The following INTS5 variants were observed in gnomAD, a reference collection of about 807,000 sequenced individuals.
The protein encoded by INTS5 is integrator complex subunit 5, also known as KIAA1698.
In INTS5, 29 loss-of-function variants were observed where a neutral mutation model predicts 60.0. The ratio of observed to expected loss-of-function variants is 0.48; its 90% CI spans 0.36 to 0.66. The LOEUF is 0.66. Ranked by LOEUF, INTS5 falls within the 30% of genes least tolerant of loss-of-function variation. INTS5 has a pLI of 0.00. For synonymous variants in INTS5, 588 were observed against 558.8 expected, an observed-to-expected ratio of 1.05 and a Z score of -0.74; for missense variants, 1,129 against 1,307.9, an observed-to-expected ratio of 0.86 and a Z score of 2.11.
chr11:62,652,123 C>G (rs1238061238), intron 1 of INTS5, among the ~76,000 whole-genome samples: 1 of 148,156 alleles, frequency 6.7e-6, no homozygotes, highest in Non-Finnish European at 1.5e-5. Context: ...AGATCGAAAC[C>G]AGCCTGGCCA....
chr11:62,647,572 G>A lies in INTS5; in HGVS notation c.2508C>T (p.His836=), dbSNP rs763239440. 46 of 1,613,798 alleles carry A rather than the reference G, an allele frequency of 2.9e-5. No individual in the cohort carries two copies. Among genetic ancestry groups the A allele is most frequent in the Admixed American group, 1.5e-4 (9 of 60,016 alleles). The part of the protein sequence containing the change: ...GAELAWPPEE[H]ARATVERDLR... Reference sequence around the variant, plus strand: ...GATCCCGCTCCACGGTGGCCCGGGCGTGTTCCTCGGGGGGCCAGGCCAGCT... The same window carrying A: ...GATCCCGCTCCACGGTGGCCCGGGCATGTTCCTCGGGGGGCCAGGCCAGCT... The change falls in exon 2 of 2, where the codon CAC becomes CAT. Residue 836 remains histidine (H), a synonymous_variant. Transcript: ENST00000330574.
Position 62,649,065 on chromosome 11 carries a change from G to C in INTS5, c.1015C>G (p.Pro339Ala). Residue 339 changes from proline to alanine, a missense_variant, in exon 2 of 2, where the codon CCG becomes GCG. Pro to Ala is a conservative substitution (Grantham distance 27, BLOSUM62 -1). Coordinates refer to ENST00000330574, the MANE Select transcript of INTS5 (RefSeq NM_030628.2). This position sits in a 1 kb window ranked among gnomAD's most constrained non-coding sequence, Gnocchi z 6.0. ...SGDPSLQATV[P>A]FLLQLAVMSP... ...ATGACTGCCAGCTGCAGTAGGAACGGAACCGTGGCCTGAAGGGAGGGGTCC... is the reference window on the plus strand; with the variant it reads ...ATGACTGCCAGCTGCAGTAGGAACGCAACCGTGGCCTGAAGGGAGGGGTCC... 1 of 1,611,664 alleles carries C rather than the reference G, an allele frequency of 6.2e-7. No homozygotes were observed. The highest frequency in any genetic ancestry group is 8.5e-7 in the Non-Finnish European group (1 of 1,178,372).
rs1328411443 is a variant in INTS5 at position 62,648,501 on chromosome 11, G to C, written c.1579C>G (p.Arg527Gly). ...EALGHLLSRA[R>G]SPEELSLATQ... ...GCCAAACTCAACTCTTCAGGGCTTC[G>C]GGCTCGGCTCAGCAGATGGCCCAAG... Residue 527 changes from arginine to glycine, a missense_variant, in exon 2 of 2, where the codon CGA (arginine) becomes GGA (glycine). Physicochemically the swap from Arg to Gly is moderately radical, Grantham distance 125. Around this residue, in one of 3 missense-constraint regions of INTS5, gnomAD observed 1,070 missense variants for 1,246.1 expected, o/e 0.86. Coordinates refer to ENST00000330574, the MANE Select transcript of INTS5 (RefSeq NM_030628.2). The surrounding 1 kb of genome is among the most constrained non-coding windows in gnomAD (Gnocchi z 4.4). 6.2e-7 allele frequency: 1 copy of C among 1,614,180 alleles called. No homozygotes were observed. Among genetic ancestry groups the C allele is most frequent in the East Asian group, 2.2e-5 (1 of 44,884 alleles).
At position 62,649,014 on chromosome 11, in the gene INTS5, A is replaced by C; in HGVS notation, c.1066T>G (p.Ser356Ala). ...VMSPALLGTV[S>A]GELVDCLKPP... ...TTGAGGCAATCCACAAGCTCTCCAGAGACAGTGCCCAGCAAAGCTGGTGAC... is the reference window on the plus strand; with the variant it reads ...TTGAGGCAATCCACAAGCTCTCCAGCGACAGTGCCCAGCAAAGCTGGTGAC... Residue 356 changes from serine (S) to alanine (A), a missense_variant, in exon 2 of 2, where the codon TCT (serine) becomes GCT (alanine). Physicochemically the swap from Ser to Ala is moderately conservative, Grantham distance 99 (BLOSUM62 1). Around this residue, in one of 3 missense-constraint regions of INTS5, gnomAD observed 1,070 missense variants for 1,246.1 expected, o/e 0.86. Transcript: ENST00000330574. The surrounding 1 kb of genome is among the most constrained non-coding windows in gnomAD (Gnocchi z 6.0). 6.2e-7 allele frequency: 1 copy of C among 1,613,292 alleles called. No homozygotes were observed. Among genetic ancestry groups the C allele is most frequent in the Middle Eastern group, 1.6e-4 (1 of 6,062 alleles).
chr11:62,647,549 T>C lies in INTS5; in HGVS notation c.2531A>G (p.Asp844Gly). The change falls in exon 2 of 2, where the codon GAT becomes GGT. Residue 844 changes from aspartate (D) to glycine (G), a missense_variant. By Grantham distance (94) the Asp-to-Gly change is moderately conservative. This residue lies in a region of INTS5 where 1,070 missense variants were observed against 1,246.1 expected (regional missense o/e 0.86). Coordinates refer to ENST00000330574, the MANE Select transcript of INTS5 (RefSeq NM_030628.2). ...GCGGAAGCGCCGGCCAATGCGGAGA[T>C]CCCGCTCCACGGTGGCCCGGGCGTG... is the stretch of plus-strand genomic sequence containing the variant. ...EEHARATVERDLRIGRRFREQ... is the reference protein window; with the variant it reads ...EEHARATVERGLRIGRRFREQ... The C allele has an allele frequency of 6.2e-7, 1 of 1,613,604 alleles. No homozygotes were observed. Among genetic ancestry groups the C allele is most frequent in the Non-Finnish European group, 8.5e-7 (1 of 1,179,926 alleles).
chr11:62,652,998 GCA>G (rs1379891749), intron 1 of INTS5, among the ~76,000 whole-genome samples, 170 bp downstream of exon 1: 3 of 152,228 alleles, frequency 2.0e-5, no homozygotes, highest in Non-Finnish European at 2.9e-5. Context: ...GGGAGGGCGG[GCA>G]CTGGAGCCCT....
rs377245544 is a variant in INTS5, at chr11:62,647,045, G to T, written c.3035C>A (p.Ser1012Tyr). The T allele has an allele frequency of 1.2e-6, 2 of 1,612,986 alleles. No individual in the cohort carries two copies. Among genetic ancestry groups the T allele is most frequent in the Non-Finnish European group, 1.7e-6 (2 of 1,179,216 alleles). ...CTACGTCCCCTGTCGAAGGAGAGTGGACGGTGAAGGTGCCTGGAAACGGCC... is the reference window on the plus strand; with the variant it reads ...CTACGTCCCCTGTCGAAGGAGAGTGTACGGTGAAGGTGCCTGGAAACGGCC... ...FSGRFQAPSP[S>Y]TLLRQGT is the part of the protein sequence containing the mutation. The change falls in exon 2 of 2, where the codon TCC becomes TAC. Residue 1012 changes from serine to tyrosine, a missense_variant. By Grantham distance (144) the Ser-to-Tyr change is moderately radical. Transcript: ENST00000330574.
rs758106119 is a variant in INTS5 at position 62,649,933 on chromosome 11, T to A, written c.147A>T (p.Gln49His). 6.2e-7 allele frequency: 1 copy of A among 1,613,912 alleles called. No homozygotes were observed. The highest frequency in any genetic ancestry group is 8.5e-7 in the Non-Finnish European group (1 of 1,179,948). Reference protein sequence around the residue: ...LTGVDPILGHQLSAREHARCG... With the variant: ...LTGVDPILGHHLSAREHARCG... ...AGCGAGCATGTTCCCGGGCTGAGAG[T>A]TGGTGGCCCAGAATGGGGTCTACGC... The change falls in exon 2 of 2, where the codon CAA (glutamine) becomes CAT (histidine). Residue 49 changes from glutamine (Q) to histidine (H), a missense_variant. Coordinates refer to ENST00000330574, the MANE Select transcript of INTS5 (RefSeq NM_030628.2). The surrounding 1 kb of genome is among the most constrained non-coding windows in gnomAD (Gnocchi z 6.0).
Position 62,646,908 on chromosome 11 carries a change from C to A in INTS5, c.*112G>T. ...AAAAAAGTGGGAGAGAAAAAAGTGACAGCGCTCTTTAGACCAAGGACTTAG... is the reference window on the plus strand; with the variant it reads ...AAAAAAGTGGGAGAGAAAAAAGTGAAAGCGCTCTTTAGACCAAGGACTTAG... On this transcript the variant is annotated 3_prime_UTR_variant, in exon 2 of 2. Transcript: ENST00000330574. 2.1e-6 allele frequency: 2 copies of A among 969,738 alleles called. No homozygotes were observed. Among genetic ancestry groups the A allele is most frequent in the South Asian group, 1.7e-5 (1 of 59,908 alleles). 60.1% of individuals were successfully genotyped at this position (969,738 alleles called of 1,614,324 possible).
In INTS5 at chr11:62,647,918, G is replaced by T. The variant is rs1450498748; in HGVS notation, c.2162C>A (p.Ala721Asp). Reference protein sequence around the residue: ...GDNETLSVVSASLASASLLDT... With the variant: ...GDNETLSVVSDSLASASLLDT... ...CAACAGGGAGGCAGAAGCCAAAGAA[G>T]CTGAAACAACTGAGAGAGTCTCATT... Residue 721 changes from alanine to aspartate, a missense_variant, in exon 2 of 2, where the codon GCT becomes GAT. This residue lies in a region of INTS5 where 1,070 missense variants were observed against 1,246.1 expected (regional missense o/e 0.86). Transcript: ENST00000330574. The T allele has an allele frequency of 6.2e-7, 1 of 1,614,244 alleles. No individual in the cohort carries two copies. The highest frequency in any genetic ancestry group is 1.7e-5 in the Admixed American group (1 of 60,030).
chr11:62,653,049 T>C, intron 1 of INTS5, 121 bp downstream of exon 1: 2 of 609,872 alleles, frequency 3.3e-6, no homozygotes, highest in Non-Finnish European at 2.4e-6. Flanking sequence ...TGGGAGGACC[T>C]GACCAAGAAT....
Position 62,647,445 on chromosome 11 carries a change from G to T in INTS5, c.2635C>A (p.Arg879=). 4 of 1,607,458 alleles carry T rather than the reference G, an allele frequency of 2.5e-6. No individual in the cohort carries two copies. The highest frequency in any genetic ancestry group is 3.4e-6 in the Non-Finnish European group (4 of 1,175,974). Residue 879 remains arginine, a synonymous_variant, in exon 2 of 2, where the codon CGG becomes AGG. Coordinates refer to ENST00000330574, the MANE Select transcript of INTS5 (RefSeq NM_030628.2). ...PALCYCSVLL[R]GLLAALLGHW... ...CCCAAGAGGGCGGCCAGCAGCCCCC[G>T]AAGCAGCACGGAACAGTAGCACAGG... is the stretch of plus-strand genomic sequence containing the variant.
Position 62,649,936 on chromosome 11 carries a change from G to T in INTS5, c.144C>A (p.His48Gln). Residue 48 changes from histidine to glutamine, a missense_variant, in exon 2 of 2, where the codon CAC (histidine) becomes CAA (glutamine). Coordinates refer to ENST00000330574, the MANE Select transcript of INTS5 (RefSeq NM_030628.2). This position sits in a 1 kb window ranked among gnomAD's most constrained non-coding sequence, Gnocchi z 6.0. ...GAGCATGTTCCCGGGCTGAGAGTTGGTGGCCCAGAATGGGGTCTACGCCAG... is the reference window on the plus strand; with the variant it reads ...GAGCATGTTCCCGGGCTGAGAGTTGTTGGCCCAGAATGGGGTCTACGCCAG... The part of the protein sequence containing the change: ...FLTGVDPILG[H>Q]QLSAREHARC... 6.2e-7 allele frequency: 1 copy of T among 1,614,174 alleles called. No individual in the cohort carries two copies. The highest frequency in any genetic ancestry group is 8.5e-7 in the Non-Finnish European group (1 of 1,180,028).
Position 62,649,932 on chromosome 11 carries a change from G to T in INTS5, c.148C>A (p.Leu50Ile), listed in dbSNP as rs1311431352. ...CAGCGAGCATGTTCCCGGGCTGAGA[G>T]TTGGTGGCCCAGAATGGGGTCTACG... ...TGVDPILGHQ[L>I]SAREHARCGL... The change falls in exon 2 of 2, where the codon CTC becomes ATC. Residue 50 changes from leucine to isoleucine, a missense_variant. Leu to Ile is a conservative substitution (Grantham distance 5, BLOSUM62 2). Around this residue, in one of 3 missense-constraint regions of INTS5, gnomAD observed 1,070 missense variants for 1,246.1 expected, o/e 0.86. Coordinates refer to ENST00000330574, the MANE Select transcript of INTS5 (RefSeq NM_030628.2). This position sits in a 1 kb window ranked among gnomAD's most constrained non-coding sequence, Gnocchi z 6.0. 1 of 1,614,086 alleles carries T rather than the reference G, an allele frequency of 6.2e-7. No homozygotes were observed. The highest frequency in any genetic ancestry group is 8.5e-7 in the Non-Finnish European group (1 of 1,180,042).
chr11:62,648,331 C>T lies in INTS5; in HGVS notation c.1749G>A (p.Gly583=). Residue 583 remains glycine, a synonymous_variant, in exon 2 of 2, where the codon GGG becomes GGA. Transcript: ENST00000330574. The surrounding 1 kb of genome is among the most constrained non-coding windows in gnomAD (Gnocchi z 4.4). ...RFLRNLALLV[G]WEQQGGEGPA... is the part of the protein sequence containing the mutation. Reference sequence around the variant, plus strand: ...GGCCCTCGCCACCCTGCTGTTCCCACCCTACTAGCAGTGCCAAGTTGCGCA... The same window carrying T: ...GGCCCTCGCCACCCTGCTGTTCCCATCCTACTAGCAGTGCCAAGTTGCGCA... 1.2e-6 allele frequency: 2 copies of T among 1,613,964 alleles called. No homozygotes were observed. Among genetic ancestry groups the T allele is most frequent in the Non-Finnish European group, 8.5e-7 (1 of 1,180,016 alleles).
intron 1 of INTS5, among the ~76,000 whole-genome samples, chr11:62,650,396 G>A (rs752220594): frequency 2.6e-5 from 4 of 151,606 alleles, no homozygotes; most frequent in African/African-American, 4.8e-5. Flanking sequence ...GATTACAGGC[G>A]TGAGCCACCG....
rs1944568631 is a variant in INTS5 at position 62,648,684 on chromosome 11, G to A, written c.1396C>T (p.Pro466Ser). 6.2e-7 allele frequency: 1 copy of A among 1,614,094 alleles called. No homozygotes were observed. The highest frequency in any genetic ancestry group is 8.5e-7 in the Non-Finnish European group (1 of 1,179,990). ...AAAAAGGGCACCAAGCGGGGAGGTGGGGGCGGGCCTAGCACCCCTTCCCCA... is the reference window on the plus strand; with the variant it reads ...AAAAAGGGCACCAAGCGGGGAGGTGAGGGCGGGCCTAGCACCCCTTCCCCA... ...SPGEGVLGPPPPPRLVPFLDA... is the reference protein window; with the variant it reads ...SPGEGVLGPPSPPRLVPFLDA... Residue 466 changes from proline (P) to serine (S), a missense_variant, in exon 2 of 2, where the codon CCA (proline) becomes TCA (serine). Coordinates refer to ENST00000330574, the MANE Select transcript of INTS5 (RefSeq NM_030628.2). The surrounding 1 kb of genome is among the most constrained non-coding windows in gnomAD (Gnocchi z 4.4).
rs1437410541 is a variant in INTS5 at position 62,649,174 on chromosome 11, G to A, written c.906C>T (p.Ala302=). 1 of 1,613,880 alleles carries A rather than the reference G, an allele frequency of 6.2e-7. No homozygotes were observed. Among genetic ancestry groups the A allele is most frequent in the Non-Finnish European group, 8.5e-7 (1 of 1,179,794 alleles). Residue 302 remains alanine, a synonymous_variant, in exon 2 of 2, where the codon GCC becomes GCT. Transcript: ENST00000330574. The surrounding 1 kb of genome is among the most constrained non-coding windows in gnomAD (Gnocchi z 6.0). The part of the protein sequence containing the change: ...ASVVGILGHL[A]SRHGDSIRRE... ...GTCGGATGCTATCTCCGTGGCGGGA[G>A]GCCAGGTGACCTAGGATGCCTACAA...
Position 62,649,255 on chromosome 11 carries a change from G to A in INTS5, c.825C>T (p.Pro275=), listed in dbSNP as rs762981145. Residue 275 remains proline (P), a synonymous_variant, in exon 2 of 2, where the codon CCC becomes CCT. Transcript: ENST00000330574. This position sits in a 1 kb window ranked among gnomAD's most constrained non-coding sequence, Gnocchi z 6.0. The part of the protein sequence containing the change: ...GSSSQTPSTD[P]FPGSPAIPAE... ...CAGGAATGGCAGGAGATCCAGGGAA[G>A]GGGTCTGTAGAGGGGGTCTGAGAAG... 1.2e-6 allele frequency: 2 copies of A among 1,613,884 alleles called. No individual in the cohort carries two copies. The highest frequency in any genetic ancestry group is 1.1e-5 in the South Asian group (1 of 91,076).
Sources: allele counts gnomAD v4.1 joint callset (sites outside exome capture counted in the v4.1 genomes callset), GRCh38; gene constraint gnomAD v4.1.1; regional missense constraint gnomAD v4.1.1; non-coding constraint Gnocchi (gnomAD v3.1); transcripts MANE v1.5; gene names NCBI Gene and HGNC (gene_info 2026-07-23, HGNC 2026-07-21).